Variants in CNTNAP2 observed in about 807,000 individuals in gnomAD.
CNTNAP2 encodes contactin-associated protein-like 2.
A neutral mutation model predicts 155.2 loss-of-function variants in CNTNAP2; 98 were observed. That is an observed-to-expected ratio of 0.63 (90% CI 0.54 to 0.75). The LOEUF (loss-of-function observed/expected upper bound fraction) is 0.75. Ranked by LOEUF, CNTNAP2 falls within the 30% of genes least tolerant of loss-of-function variation. CNTNAP2 has a pLI of 0.00. For missense variants in CNTNAP2, 1,727 were observed against 1,688.1 expected (o/e 1.02, Z -0.40); for synonymous variants, 651 against 631.2 (o/e 1.03, Z -0.47).
chr7:147,334,719 A>C (rs1795636518), intron 9 of CNTNAP2, among the ~76,000 whole-genome samples: 1 of 152,098 alleles, frequency 6.6e-6, no homozygotes, highest in Admixed American at 6.6e-5. Flanking sequence ...TGACTCCCTT[A>C]CTGTCACCCC....
chr7:148,284,729 G>T (rs940081714), intron 21 of CNTNAP2, among the ~76,000 whole-genome samples: 1 of 152,072 alleles, frequency 6.6e-6, no homozygotes, highest in Non-Finnish European at 1.5e-5. Flanking sequence ...AAAGGTCTGG[G>T]CTACAAAGAC....
intron 21 of CNTNAP2, among the ~76,000 whole-genome samples, chr7:148,267,858 T>C (rs553692983): frequency 6.6e-6 from 1 of 152,284 alleles, no homozygotes; most frequent in Admixed American, 6.5e-5. Flanking sequence ...ATATGTAATT[T>C]AACGTTTCCT....
chr7:147,055,303 TCA>T (rs1361624977), intron 4 of CNTNAP2, among the ~76,000 whole-genome samples: 2 of 152,214 alleles, frequency 1.3e-5, no homozygotes, highest in Non-Finnish European at 2.9e-5. Flanking sequence ...TGGAGATGCT[TCA>T]TAACCGAAAT....
chr7:147,867,590 A>C (rs571189019), intron 13 of CNTNAP2, among the ~76,000 whole-genome samples: 93 of 152,324 alleles, frequency 6.1e-4, no homozygotes, highest in African/African-American at 2.1e-3. Context: ...TACACCAATC[A>C]AACGTAGATT....
rs918935173 is a variant in CNTNAP2, at chr7:148,338,125, T to C, written c.3476-45524T>C. Among the ~76,000 whole-genome samples the C allele has an allele frequency of 2.2e-4, 34 of 152,320 alleles. No homozygotes were observed. The East Asian group carries it at 2.3e-3, about 10-fold the overall frequency. On this transcript the variant is annotated intron_variant, in intron 21 of 23. Transcript: ENST00000361727. Reference sequence around the variant, plus strand: ...ACTTCCAGCCCCTGAGAGCCACTTATCTGATTTCTGTCCCGACAGTTTGCC... The same window carrying C: ...ACTTCCAGCCCCTGAGAGCCACTTACCTGATTTCTGTCCCGACAGTTTGCC...
intron 3 of CNTNAP2, among the ~76,000 whole-genome samples, chr7:146,901,876 T>C (rs1442069303): frequency 3.4e-4 from 46 of 136,398 alleles, no homozygotes; most frequent in Middle Eastern, 3.6e-3. Context: ...GCTCCTTTTT[T>C]TTTTTTTTTT....
intron 1 of CNTNAP2, among the ~76,000 whole-genome samples, chr7:146,187,497 A>G (rs964686485): frequency 9.2e-5 from 14 of 152,208 alleles, no homozygotes; most frequent in African/African-American, 3.1e-4. Flanking sequence ...ACTATACATT[A>G]TCACAGAATC....
chr7:146,847,113 A>G (rs1467405896), intron 3 of CNTNAP2, among the ~76,000 whole-genome samples: 1 of 152,172 alleles, frequency 6.6e-6, no homozygotes, highest in Non-Finnish European at 1.5e-5. Context: ...AAATAACTCC[A>G]AGTAAATACA....
intron 10 of CNTNAP2, among the ~76,000 whole-genome samples, chr7:147,432,601 C>G (rs1272772616): frequency 6.6e-6 from 1 of 152,142 alleles, no homozygotes; most frequent in African/African-American, 2.4e-5. Flanking sequence ...CCAAGAAACC[C>G]CATTTGGACC....
chr7:147,837,090 A>C (rs1798645032), intron 13 of CNTNAP2, among the ~76,000 whole-genome samples: 1 of 152,176 alleles, frequency 6.6e-6, no homozygotes. Flanking sequence ...TATAATCAAT[A>C]AGCATGTTGG....
intron 11 of CNTNAP2, among the ~76,000 whole-genome samples, chr7:147,555,725 G>C (rs1016703427): frequency 6.6e-6 from 1 of 152,138 alleles, no homozygotes; most frequent in African/African-American, 2.4e-5. Context: ...CACTTCTAGT[G>C]ATCCTCATGC....
intron 18 of CNTNAP2, among the ~76,000 whole-genome samples, chr7:148,176,614 TG>T (rs1794942092): frequency 6.6e-6 from 1 of 152,138 alleles, no homozygotes; most frequent in African/African-American, 2.4e-5. Context: ...GAGTGCTGAC[TG>T]GGGAATATTT....
intron 1 of CNTNAP2, among the ~76,000 whole-genome samples, chr7:146,751,222 T>C (rs571703110): frequency 3.9e-5 from 6 of 152,254 alleles, no homozygotes; most frequent in African/African-American, 1.2e-4. Flanking sequence ...CAAATTTGAG[T>C]ATACAAATTT....
chr7:147,120,919 G>T (rs1233074679), intron 5 of CNTNAP2, 60 bp from the exon 6 acceptor site: 3 of 1,491,790 alleles, frequency 2.0e-6, no homozygotes, highest in African/African-American at 1.4e-5. Context: ...AAGATCTTCT[G>T]CTTCACAGAG....
intron 5 of CNTNAP2, 104 bp downstream of exon 5, chr7:147,108,454 A>T: frequency 2.0e-6 from 2 of 1,001,860 alleles, no homozygotes; most frequent in Admixed American, 2.9e-5. Context: ...AAAAGAGCTC[A>T]TGTTATATTT....
At chr7:146,218,589 T>A (rs1384518434) in intron 1 of CNTNAP2, among the ~76,000 whole-genome samples, 2 of 151,746 alleles carry the variant, frequency 1.3e-5, no homozygotes, top group African/African-American at 4.8e-5. Context: ...AAAATAAAAA[T>A]ATATATATTT....
rs565163739 is a variant in CNTNAP2, at chr7:147,634,901, T to A, written c.1898-4205T>A. Among the ~76,000 whole-genome samples, 81 of 152,228 alleles carry A rather than the reference T, an allele frequency of 5.3e-4. No individual in the cohort carries two copies. In the Middle Eastern group the frequency reaches 0.02, roughly 38 times the overall value. On this transcript the variant is annotated intron_variant, in intron 12 of 23. Transcript: ENST00000361727. ...TGCCCAACCATTTCTAACTCCCGCT[T>A]CTTCCTATTCTTCCTTCTGTCACTC...
At chr7:146,787,954 C>A (rs1419384395) in intron 2 of CNTNAP2, among the ~76,000 whole-genome samples, 2 of 152,178 alleles carry the variant, frequency 1.3e-5, no homozygotes, top group African/African-American at 4.8e-5. Flanking sequence ...TCTCCAAGTC[C>A]CCACCAGATT....
intron 13 of CNTNAP2, among the ~76,000 whole-genome samples, chr7:147,849,700 G>A (rs12155079): frequency 0.053 from 8,126 of 152,238 alleles, 280 homozygotes; most frequent in Middle Eastern, 0.068. Flanking sequence ...GCACACCTGC[G>A]AGCAGGCCAG....
Sources: allele counts gnomAD v4.1 joint callset (sites outside exome capture counted in the v4.1 genomes callset), GRCh38; gene constraint gnomAD v4.1.1; transcripts MANE v1.5; gene names NCBI Gene and HGNC (gene_info 2026-07-23, HGNC 2026-07-21).